Variants in TDRD10 observed in about 807,000 individuals in gnomAD.
TDRD10 encodes tudor domain containing 10.
TDRD10 carries 40 observed loss-of-function variants against 48.0 expected under a neutral mutation model. That is an observed-to-expected ratio of 0.83 (90% confidence interval 0.65 to 1.09). The LOEUF is 1.09. TDRD10 is among the 50% of genes least tolerant of loss of function. The pLI, the probability that TDRD10 is intolerant of heterozygous loss-of-function variation, is 0.00. For synonymous variants in TDRD10, 162 were observed against 170.4 expected (o/e 0.95, Z 0.38); for missense variants, 378 against 434.7 (o/e 0.87, Z 1.16).
rs1442064082 is a variant in TDRD10, at chr1:154,506,921, T to C, written c.2+16T>C. On this transcript the variant is annotated intron_variant, in intron 2 of 12. Transcript: ENST00000368482. ...ACTGCAGCATGTAAGTCCCTTCCTT[T>C]TGCTGATGAGCAAGCCTCGCTCCAT... 5.0e-6 allele frequency: 8 copies of C among 1,614,218 alleles called. No homozygotes were observed. In the East Asian group the frequency reaches 1.8e-4, roughly 36 times the overall value.
At chr1:154,541,351 C>T (rs192348213) in intron 6 of TDRD10, among the ~76,000 whole-genome samples, 33 of 152,098 alleles carry the variant, frequency 2.2e-4, no homozygotes, top group African/African-American at 7.7e-4. Context: ...CCTGTTTGCC[C>T]TCTGATGAAG....
At chr1:154,517,765 T>A (rs1200585032) in intron 4 of TDRD10, among the ~76,000 whole-genome samples, 1 of 152,104 alleles carries the variant, frequency 6.6e-6, no homozygotes, top group African/African-American at 2.4e-5. Context: ...TTCACATGGC[T>A]CACACTAATA....
chr1:154,526,203 C>CAAAAA (rs58688953), intron 6 of TDRD10, among the ~76,000 whole-genome samples: 2 of 110,392 alleles, frequency 1.8e-5, no homozygotes, highest in Non-Finnish European at 3.8e-5. Flanking sequence ...GACTTCATCT[C>CAAAAA]AAAAAAAAAA....
At chr1:154,538,992 C>G (rs946580523) in intron 6 of TDRD10, among the ~76,000 whole-genome samples, 1 of 152,186 alleles carries the variant, frequency 6.6e-6, no homozygotes, top group African/African-American at 2.4e-5. Flanking sequence ...ACCGTATGAA[C>G]TCATTTAATT....
At chr1:154,520,699 T>C (rs1306154675) in intron 5 of TDRD10, among the ~76,000 whole-genome samples, 2 of 152,178 alleles carry the variant, frequency 1.3e-5, no homozygotes, top group Non-Finnish European at 2.9e-5. Flanking sequence ...AACCTACTTA[T>C]ATTTTCCCTT....
chr1:154,538,550 C>CAAAAAAAA (rs59257227), intron 6 of TDRD10, among the ~76,000 whole-genome samples: 2 of 57,340 alleles, frequency 3.5e-5, no homozygotes, highest in African/African-American at 8.1e-5. Flanking sequence ...AACTCTATCT[C>CAAAAAAAA]AAAAAAAAAA....
intron 6 of TDRD10, among the ~76,000 whole-genome samples, chr1:154,533,780 G>A (rs940777319): frequency 6.6e-6 from 1 of 151,766 alleles, no homozygotes; most frequent in Non-Finnish European, 1.5e-5. Context: ...GACTACAGGC[G>A]TGTACCACCA....
chr1:154,502,618 C>T lies in TDRD10; in HGVS notation c.-439C>T, dbSNP rs1440451845. ...GCCCCACTGAGCAGAGAGCCCCCTT[C>T]TGCCGCCGACAGCCCGCGTCTGCAC... On this transcript the variant is annotated 5_prime_UTR_variant, in exon 1 of 13. Coordinates refer to ENST00000368482, the MANE Select transcript of TDRD10 (RefSeq NM_182499.4). 2.0e-5 allele frequency: 3 copies of T among 152,266 alleles called. No individual in the cohort carries two copies. The highest frequency in any genetic ancestry group is 2.1e-4 in the South Asian group (1 of 4,838). The allele number at this position is 152,266 out of a possible 1,614,324, so 9.4% of individuals were successfully genotyped here.
At chr1:154,541,815 C>G (rs1695248940) in intron 6 of TDRD10, 1 of 525,432 alleles carries the variant, frequency 1.9e-6, no homozygotes, top group Non-Finnish European at 3.4e-6. Flanking sequence ...CCTGCCTTCC[C>G]TGCTTCTGAT....
Position 154,547,793 on chromosome 1 carries a change from T to C in TDRD10, c.*83T>C. On this transcript the variant is annotated 3_prime_UTR_variant, in exon 13 of 13. Transcript: ENST00000368482. ...CCCTGTCTTCTCGTACCCCTTTCAC[T>C]CTTGAGGCCTGGGAGGTGAAAAAGG... is the stretch of plus-strand genomic sequence containing the variant. The C allele has an allele frequency of 2.6e-6, 4 of 1,556,578 alleles. No individual in the cohort carries two copies. Among genetic ancestry groups the C allele is most frequent in the Non-Finnish European group, 3.5e-6 (4 of 1,130,284 alleles).
chr1:154,507,006 C>G, intron 2 of TDRD10, 101 bp downstream of exon 2: 2 of 1,608,116 alleles, frequency 1.2e-6, no homozygotes, highest in South Asian at 2.2e-5. Context: ...AAGAGTCACC[C>G]CTGGCATCTC....
At chr1:154,541,844 G>C in intron 6 of TDRD10, 180 bp from the exon 7 acceptor site, 1 of 566,654 alleles carries the variant, frequency 1.8e-6, no homozygotes, top group Non-Finnish European at 3.1e-6. Flanking sequence ...CTTTGGGTTG[G>C]CTCAGGATGC....
intron 6 of TDRD10, among the ~76,000 whole-genome samples, chr1:154,533,483 A>G (rs1206483038): frequency 1.3e-5 from 2 of 151,780 alleles, no homozygotes; most frequent in Non-Finnish European, 2.9e-5. Flanking sequence ...CTGGGTTCCA[A>G]GGTCTCTGGT....
At position 154,544,512 on chromosome 1, in the gene TDRD10, G is replaced by A; in HGVS notation, c.792G>A (p.Trp264Ter). 1 of 1,613,826 alleles carries A rather than the reference G, an allele frequency of 6.2e-7. No homozygotes were observed. Among genetic ancestry groups the A allele is most frequent in the Non-Finnish European group, 8.5e-7 (1 of 1,179,902 alleles). ...EYHLGDYGHA[W>*]NRCWVLDRVD... is the part of the protein sequence containing the mutation. The stretch of plus-strand genomic sequence containing the variant: ...ACCTGGGGGATTATGGACACGCCTG[G>A]AACAGGTGTGTGCCTGGGCAGGGGT... The change falls in exon 10 of 13, where the codon TGG (tryptophan) becomes TGA (stop). Residue 264 changes from tryptophan (W) to a stop codon, truncating the protein, a stop_gained. Transcript: ENST00000368482. LOFTEE classifies it high-confidence loss of function.
rs375746986 is a variant in TDRD10, at chr1:154,547,707, A to G, written c.1053A>G (p.Lys351=). ...ALHILKFEES[K] Reference sequence around the variant, plus strand: ...ACATCCTAAAGTTTGAAGAGTCTAAATAACGGGGCTTCCCTCAGCATGTTC... The same window carrying G: ...ACATCCTAAAGTTTGAAGAGTCTAAGTAACGGGGCTTCCCTCAGCATGTTC... Residue 351 remains lysine, a synonymous_variant, in exon 13 of 13, where the codon AAA becomes AAG. Coordinates refer to ENST00000368482, the MANE Select transcript of TDRD10 (RefSeq NM_182499.4). 9.3e-6 allele frequency: 15 copies of G among 1,613,572 alleles called. No homozygotes were observed. The African/African-American group carries it at 1.2e-4, about 13-fold the overall frequency.
chr1:154,525,087 C>T (rs1694241735), intron 6 of TDRD10, among the ~76,000 whole-genome samples: 1 of 152,214 alleles, frequency 6.6e-6, no homozygotes, highest in South Asian at 2.1e-4. Flanking sequence ...GAATGTGGTG[C>T]TCACATGCTT....
chr1:154,515,424 T>A (rs951098951), intron 4 of TDRD10, among the ~76,000 whole-genome samples: 14 of 152,190 alleles, frequency 9.2e-5, no homozygotes, highest in African/African-American at 3.1e-4. Flanking sequence ...CTTCCCTTCT[T>A]ATTTAGGAAG....
rs1692845350 is a variant in TDRD10, at chr1:154,502,561, AG to A, written c.-492del. The A allele has an allele frequency of 6.6e-6, 1 of 152,108 alleles. No homozygotes were observed. The highest frequency in any genetic ancestry group is 1.5e-5 in the Non-Finnish European group (1 of 68,072). The allele number at this position is 152,108 out of a possible 1,614,324, so 9.4% of individuals were successfully genotyped here. A position where few individuals can be genotyped will look rare whatever the true frequency, so the allele number is the denominator to read the frequency against. On this transcript the variant is annotated 5_prime_UTR_variant, in exon 1 of 13. It removes the in-frame stop codon of an upstream open reading frame in the 5' UTR. Transcript: ENST00000368482. ...GGGTCGGGCTGCGAGCTCTGGAGAA[AG>A]GGGCGGCGGCCGCACGTGCGGATCG...
At chr1:154,534,208 C>T (rs1694803344) in intron 6 of TDRD10, among the ~76,000 whole-genome samples, 1 of 152,064 alleles carries the variant, frequency 6.6e-6, no homozygotes, top group Non-Finnish European at 1.5e-5. Flanking sequence ...AGTAAGGCCC[C>T]CAAAATCTAA....
Sources: gnomAD v4.1 joint callset for allele counts (sites outside exome capture counted in the v4.1 genomes callset) on GRCh38, gnomAD v4.1.1 for gene constraint, MANE v1.5 for transcripts, NCBI Gene and HGNC (gene_info 2026-07-23, HGNC 2026-07-21) for gene names.